The following ADGRL3 variants were observed in gnomAD, a reference collection of about 807,000 sequenced individuals.
ADGRL3 encodes the protein adhesion G protein-coupled receptor L3.
In ADGRL3, 62 loss-of-function variants were observed where a neutral mutation model predicts 153.5. That is an observed-to-expected ratio of 0.40 (90% CI 0.33 to 0.50). The LOEUF is 0.50. Among genes scored for constraint, ADGRL3 ranks in the 20% least tolerant of loss-of-function variants. ADGRL3 has a pLI of 0.47. For missense variants in ADGRL3, 1,641 were observed against 1,859.4 expected (o/e 0.88, Z 2.16); for synonymous variants, 710 against 672.5 (o/e 1.06, Z -0.86).
chr4:61,948,426 C>T (rs1469623690), intron 17 of ADGRL3, 150 bp downstream of exon 17: 1 of 560,662 alleles, frequency 1.8e-6, no homozygotes, highest in Non-Finnish European at 3.0e-6. Context: ...CAAACCATAT[C>T]CTTGTGGATG....
At chr4:61,686,154 T>C (rs927802253) in intron 6 of ADGRL3, among the ~76,000 whole-genome samples, 2 of 152,126 alleles carry the variant, frequency 1.3e-5, no homozygotes, top group Non-Finnish European at 2.9e-5. Flanking sequence ...CATTTAAATT[T>C]CATTCAAAGA....
At chr4:61,644,652 A>T (rs2093872417) in intron 5 of ADGRL3, among the ~76,000 whole-genome samples, 1 of 152,130 alleles carries the variant, frequency 6.6e-6, no homozygotes, top group Admixed American at 6.6e-5. Flanking sequence ...TCTCAGAGAT[A>T]GTTTGTTATA....
At chr4:61,813,023 G>A (rs765480246) in intron 8 of ADGRL3, among the ~76,000 whole-genome samples, 1 of 152,152 alleles carries the variant, frequency 6.6e-6, no homozygotes, top group Non-Finnish European at 1.5e-5. Context: ...AGTGTTATTT[G>A]TACATTGGGT....
At chr4:61,564,591 T>A (rs1323866275) in intron 4 of ADGRL3, among the ~76,000 whole-genome samples, 1 of 152,148 alleles carries the variant, frequency 6.6e-6, no homozygotes, top group African/African-American at 2.4e-5. Flanking sequence ...TTTCTTACCA[T>A]TCATATGTGA....
At chr4:62,014,603 G>T (rs2099202801) in intron 21 of ADGRL3, among the ~76,000 whole-genome samples, 1 of 152,080 alleles carries the variant, frequency 6.6e-6, no homozygotes, top group African/African-American at 2.4e-5. Flanking sequence ...CCCATAGATG[G>T]GTGAGAACAC....
intron 1 of ADGRL3, among the ~76,000 whole-genome samples, chr4:61,239,637 G>C (rs1186330960): frequency 6.6e-6 from 1 of 151,974 alleles, no homozygotes; most frequent in Non-Finnish European, 1.5e-5. Flanking sequence ...AACAAAATGA[G>C]TCAAGGTAGG....
At chr4:61,894,309 A>T (rs1295580698) in intron 10 of ADGRL3, among the ~76,000 whole-genome samples, 1 of 152,162 alleles carries the variant, frequency 6.6e-6, no homozygotes, top group Non-Finnish European at 1.5e-5. Flanking sequence ...TTCATATTCC[A>T]TGGTATAGGA....
rs1561368298 is a variant in ADGRL3, at chr4:61,856,996, CTTTCTTTCTT to C, written c.1481-35658_1481-35649del. Among the ~76,000 whole-genome samples the C allele has an allele frequency of 7.5e-3, 941 of 125,056 alleles. 12 individuals carry two copies. The highest frequency in any genetic ancestry group is 0.012 in the African/African-American group (399 of 32,544). 82.0% of individuals were successfully genotyped at this position (125,056 alleles called of 152,430 possible). ...TCTTTCTTTCTTTCTTTCTTTCTTT[CTTTCTTTCTT>C]TCTTTCTTTCCTTCCTCCCTTCCTT... On this transcript the variant is annotated intron_variant, in intron 9 of 26. Coordinates refer to ENST00000683033, the MANE Select transcript of ADGRL3 (RefSeq NM_001387552.1).
intron 1 of ADGRL3, among the ~76,000 whole-genome samples, chr4:61,333,130 T>G (rs1391957387): frequency 1.3e-5 from 2 of 152,054 alleles, no homozygotes; most frequent in Admixed American, 1.3e-4. Context: ...ATAAAAATAC[T>G]TATTAAAATT....
At position 61,936,059 on chromosome 4, in the gene ADGRL3, T is replaced by C. The variant is rs558513985; in HGVS notation, c.2419+14T>C. The C allele has an allele frequency of 3.1e-6, 5 of 1,609,158 alleles. No homozygotes were observed. Among genetic ancestry groups the C allele is most frequent in the East Asian group, 2.2e-5 (1 of 44,780 alleles). On this transcript the variant is annotated intron_variant, in intron 15 of 26. Transcript: ENST00000683033. ...ATGGCCGAAATGGTAGGTTAGAGTT[T>C]ATTTTTTAAGCTTGAGGGAATTGAA...
In ADGRL3 at chr4:61,988,586, T is replaced by G. The variant is rs183470055; in HGVS notation, c.3236+4983T>G. 1.7e-3 allele frequency among the ~76,000 whole-genome samples: 262 copies of G among 152,296 alleles called. 1 individual carries two copies. Among genetic ancestry groups the G allele is most frequent in the African/African-American group, 6.2e-3 (256 of 41,590 alleles). ...ATACTTTGGTTTTATGACCTGAAAC[T>G]AATCACTTCATTTAAACTTTAATTA... On this transcript the variant is annotated intron_variant, in intron 19 of 26. Transcript: ENST00000683033.
At chr4:61,850,984 T>C (rs1161021643) in intron 9 of ADGRL3, among the ~76,000 whole-genome samples, 1 of 152,158 alleles carries the variant, frequency 6.6e-6, no homozygotes, top group African/African-American at 2.4e-5. Context: ...AAAAGCACAT[T>C]TCCTAATATT....
At chr4:61,647,314 T>C (rs891742887) in intron 5 of ADGRL3, among the ~76,000 whole-genome samples, 13 of 152,122 alleles carry the variant, frequency 8.5e-5, no homozygotes, top group African/African-American at 4.8e-5. Context: ...GATTTAACTT[T>C]TAAAATTGCC....
intron 6 of ADGRL3, among the ~76,000 whole-genome samples, chr4:61,700,007 G>A (rs2095720969): frequency 6.6e-6 from 1 of 151,418 alleles, no homozygotes; most frequent in Admixed American, 6.6e-5. Context: ...GAAGACATAT[G>A]TATGTCATGT....
At chr4:61,897,159 A>G (rs1242808550) in intron 11 of ADGRL3, among the ~76,000 whole-genome samples, 3 of 152,164 alleles carry the variant, frequency 2.0e-5, no homozygotes, top group African/African-American at 7.2e-5. Context: ...CATCTGATTT[A>G]TGGACAGGAT....
intron 5 of ADGRL3, among the ~76,000 whole-genome samples, chr4:61,591,812 C>T (rs2098970579): frequency 1.3e-5 from 2 of 151,898 alleles, no homozygotes; most frequent in Non-Finnish European, 2.9e-5. Flanking sequence ...TGCTGTGGCT[C>T]ACACCTGTAA....
rs1221842985 is a variant in ADGRL3, at chr4:61,548,112, C to T, written c.259+30594C>T. Among the ~76,000 whole-genome samples, 4 of 152,000 alleles carry T rather than the reference C, an allele frequency of 2.6e-5. No homozygotes were observed. In the East Asian group the frequency reaches 7.7e-4, roughly 29 times the overall value. ...GAGAAGTCTGTTCATGTCCTTTGCCCATGTTTAATGGGGTTGTTTGCTTTT... is the reference window on the plus strand; with the variant it reads ...GAGAAGTCTGTTCATGTCCTTTGCCTATGTTTAATGGGGTTGTTTGCTTTT... On this transcript the variant is annotated intron_variant, in intron 4 of 26. Transcript: ENST00000683033.
At chr4:61,579,151 T>G (rs999338517) in intron 4 of ADGRL3, among the ~76,000 whole-genome samples, 5 of 152,092 alleles carry the variant, frequency 3.3e-5, no homozygotes. Context: ...TAATACCTAA[T>G]GTGAAGGGAG....
At chr4:61,531,756 A>C (rs1207129939) in intron 4 of ADGRL3, among the ~76,000 whole-genome samples, 55 of 146,306 alleles carry the variant, frequency 3.8e-4, no homozygotes. Flanking sequence ...TGTATGATGT[A>C]CTCTAAATTT....
Sources: allele counts gnomAD v4.1 joint callset (sites outside exome capture counted in the v4.1 genomes callset), GRCh38; gene constraint gnomAD v4.1.1; transcripts MANE v1.5; gene names NCBI Gene and HGNC (gene_info 2026-07-23, HGNC 2026-07-21).